COL9A3: variants seen among roughly 807,000 people sequenced by gnomAD.
COL9A3 encodes the protein collagen alpha-3(IX) chain.
In COL9A3, 82 loss-of-function variants were observed where a neutral mutation model predicts 110.2. The ratio of observed to expected loss-of-function variants is 0.74; its 90% CI spans 0.62 to 0.89. COL9A3 has a LOEUF of 0.89. COL9A3 is among the 40% of genes least tolerant of loss of function. The pLI is 0.00. For synonymous variants in COL9A3, 494 were observed against 403.8 expected, an observed-to-expected ratio of 1.22 and a Z score of -2.68; for missense variants, 1,066 against 981.3, an observed-to-expected ratio of 1.09 and a Z score of -1.15.
At chr20:62,829,963 C>T in intron 22 of COL9A3, 144 bp downstream of exon 22, 1 of 1,121,938 alleles carries the variant, frequency 8.9e-7, no homozygotes, top group Non-Finnish European at 1.3e-6. Flanking sequence ...AGGTGTGGGG[C>T]CCCATCTTCT....
At chr20:62,816,924 C>T, upstream of COL9A3, 1 of 374,942 alleles carries the variant, frequency 2.7e-6, no homozygotes, top group Non-Finnish European at 4.3e-6. Flanking sequence ...GGTGGAAGCC[C>T]CCCCGCCCAG....
chr20:62,817,844 C>T (rs752484272), intron 2 of COL9A3: 4 of 677,874 alleles, frequency 5.9e-6, no homozygotes, highest in South Asian at 3.1e-5. Context: ...ATGTGGTGGT[C>T]CTCCACCCAG....
chr20:62,837,523 C>G (rs902731436), intron 30 of COL9A3, among the ~76,000 whole-genome samples: 17 of 152,158 alleles, frequency 1.1e-4, no homozygotes, highest in Admixed American at 3.3e-4. Flanking sequence ...TAAAATGTGA[C>G]GAAGGCTGGG....
chr20:62,819,798 G>C, intron 4 of COL9A3, 131 bp from the exon 5 acceptor site: 1 of 993,190 alleles, frequency 1.0e-6, no homozygotes, highest in South Asian at 1.3e-5. Flanking sequence ...CAAGAGAGGA[G>C]GCTGCCACCC....
At chr20:62,822,309 G>T in intron 9 of COL9A3, 145 bp downstream of exon 9, 1 of 718,198 alleles carries the variant, frequency 1.4e-6, no homozygotes, top group East Asian at 2.6e-5. Context: ...AGTCAATGGT[G>T]GGGGCAGTGG....
chr20:62,827,410 G>C (rs1402021980), intron 16 of COL9A3, 116 bp downstream of exon 16: 2 of 1,112,474 alleles, frequency 1.8e-6, no homozygotes, highest in South Asian at 1.4e-5. Flanking sequence ...GGGCTGCCTG[G>C]GTGGGCCTGG....
In COL9A3 at chr20:62,828,923, G is replaced by C. The variant is rs1249895731; in HGVS notation, c.955G>C (p.Gly319Arg). 6.2e-7 allele frequency: 1 copy of C among 1,612,272 alleles called. No homozygotes were observed. Among genetic ancestry groups the C allele is most frequent in the South Asian group, 1.1e-5 (1 of 91,064 alleles). Residue 319 changes from glycine to arginine, a missense_variant and splice_region_variant, in exon 19 of 32, where the codon GGA (glycine) becomes CGA (arginine). By Grantham distance (125) the Gly-to-Arg change is moderately radical. Transcript: ENST00000649368. ...CGCACCCCAATCTCTGTCCTCACAGGGAGAGGCTGGTCGCAACGGTGCTCC... is the reference window on the plus strand; with the variant it reads ...CGCACCCCAATCTCTGTCCTCACAGCGAGAGGCTGGTCGCAACGGTGCTCC... ...NGVPGLDGQKGEAGRNGAPGE... is the reference protein window; with the variant it reads ...NGVPGLDGQKREAGRNGAPGE...
In COL9A3 at chr20:62,817,594, C is replaced by G. The variant is rs1376745052; in HGVS notation, c.106C>G (p.Pro36Ala). ...AGTGGGACTCCCCGGCCCCCCCGGC[C>G]CCCCAGGGCCGCCCGGGAAGCCCGG... ...QRVGLPGPPG[P>A]PGPPGKPGQD... Residue 36 changes from proline (P) to alanine (A), a missense_variant, in exon 2 of 32, where the codon CCC (proline) becomes GCC (alanine). Pro to Ala is a conservative substitution (Grantham distance 27). Transcript: ENST00000649368. 1.3e-6 allele frequency: 2 copies of G among 1,547,386 alleles called. No homozygotes were observed. Among genetic ancestry groups the G allele is most frequent in the Non-Finnish European group, 1.7e-6 (2 of 1,145,224 alleles).
intron 31 of COL9A3, among the ~76,000 whole-genome samples, chr20:62,840,176 T>A (rs1392474625): frequency 2.0e-5 from 3 of 151,486 alleles, no homozygotes; most frequent in African/African-American, 7.3e-5. Context: ...CCTCCCATGT[T>A]TCCACTGTCA....
chr20:62,838,712 C>T lies in COL9A3; in HGVS notation c.1815C>T (p.Gly605=), dbSNP rs528525698. Residue 605 remains glycine (G), a synonymous_variant, in exon 31 of 32, where the codon GGC becomes GGT. Coordinates refer to ENST00000649368, the MANE Select transcript of COL9A3 (RefSeq NM_001853.4). ...ACCAGGGTGACAGAGGAGACAAAGGCGCGGCAGGAGCAGGGCTGGACGGGC... is the reference window on the plus strand; with the variant it reads ...ACCAGGGTGACAGAGGAGACAAAGGTGCGGCAGGAGCAGGGCTGGACGGGC... ...RGNQGDRGDK[G]AAGAGLDGPE... The T allele has an allele frequency of 1.4e-5, 21 of 1,552,738 alleles. No homozygotes were observed. The highest frequency in any genetic ancestry group is 4.1e-5 in the African/African-American group (3 of 73,090).
Position 62,825,803 on chromosome 20 carries a change from C to A in COL9A3, c.631-14C>A. The A allele has an allele frequency of 6.4e-7, 1 of 1,552,330 alleles. No homozygotes were observed. The highest frequency in any genetic ancestry group is 8.7e-7 in the Non-Finnish European group (1 of 1,147,678). On this transcript the variant is annotated splice_polypyrimidine_tract_variant and intron_variant, in intron 12 of 31. Coordinates refer to ENST00000649368, the MANE Select transcript of COL9A3 (RefSeq NM_001853.4). ...CAGACTGGGCCGCTGACCACCCTAT[C>A]CCCTCTGTTTCAGGGTGACCCTGGC...
In COL9A3 at chr20:62,829,865, A is replaced by G. The variant is rs1272770099; in HGVS notation, c.1161+46A>G. The G allele has an allele frequency of 2.0e-6, 3 of 1,535,626 alleles. No homozygotes were observed. The East Asian group carries it at 7.3e-5, about 37-fold the overall frequency. ...CGGGGTCGGGGGTTAGCACTGAGCC[A>G]TTGGCACATGGCCCCAGTTTCTGAG... On this transcript the variant is annotated intron_variant, in intron 22 of 31. Transcript: ENST00000649368.
chr20:62,828,726 C>G, intron 17 of COL9A3, 38 bp from the exon 18 acceptor site: 1 of 1,609,356 alleles, frequency 6.2e-7, no homozygotes, highest in Non-Finnish European at 8.5e-7. Context: ...GGGAGGGGGG[C>G]CACTGCCCGA....
intron 2 of COL9A3, 198 bp downstream of exon 2, chr20:62,817,833 C>A: frequency 1.5e-6 from 1 of 680,286 alleles, no homozygotes; most frequent in Non-Finnish European, 2.7e-6. Context: ...TGGAGGGTGT[C>A]ATGTGGTGGT....
chr20:62,822,938 C>T (rs562934053), intron 10 of COL9A3, among the ~76,000 whole-genome samples: 31 of 152,344 alleles, frequency 2.0e-4, no homozygotes, highest in African/African-American at 7.0e-4. Flanking sequence ...ATCCAGCTCC[C>T]CTGCGTCATC....
At position 62,840,668 on chromosome 20, in the gene COL9A3, C is replaced by T. The variant is rs1277580087; in HGVS notation, c.1991C>T (p.Thr664Ile). The T allele has an allele frequency of 1.2e-6, 2 of 1,605,908 alleles. No individual in the cohort carries two copies. The highest frequency in any genetic ancestry group is 4.5e-5 in the East Asian group (2 of 44,548). Residue 664 changes from threonine (T) to isoleucine (I), a missense_variant, in exon 32 of 32, where the codon ACC becomes ATC. Transcript: ENST00000649368. ...GAQGTPGICD[T>I]SACQGAVLGG... ...CAGGGGACACCGGGGATCTGCGACA[C>T]CTCAGCCTGCCAAGGAGCCGTGTTA... is the stretch of plus-strand genomic sequence containing the variant.
At position 62,837,276 on chromosome 20, in the gene COL9A3, G is replaced by C; in HGVS notation, c.1786+11G>C. On this transcript the variant is annotated intron_variant, in intron 30 of 31. Transcript: ENST00000649368. ...ACCCCGGGCCCAGAGGTGAGTGTTT[G>C]ACCCCATGACACGGTCACCCTGCTG... 1.2e-6 allele frequency: 2 copies of C among 1,607,594 alleles called. No individual in the cohort carries two copies. The highest frequency in any genetic ancestry group is 1.1e-5 in the South Asian group (1 of 91,064).
chr20:62,826,394 C>A, intron 14 of COL9A3, 137 bp downstream of exon 14: 2 of 848,134 alleles, frequency 2.4e-6, no homozygotes, highest in Non-Finnish European at 3.7e-6. Context: ...GCCACTGTGG[C>A]GCAGGCCTTG....
chr20:62,821,625 T>C, intron 7 of COL9A3, 95 bp downstream of exon 7: 1 of 1,581,354 alleles, frequency 6.3e-7, no homozygotes, highest in Non-Finnish European at 8.7e-7. Context: ...GGGGTGGGGC[T>C]TCTCAGGGGC....
Sources: gnomAD v4.1 joint callset for allele counts (sites outside exome capture counted in the v4.1 genomes callset) on GRCh38, gnomAD v4.1.1 for gene constraint, MANE v1.5 for transcripts, NCBI Gene and HGNC (gene_info 2026-07-23, HGNC 2026-07-21) for gene names.